The following PPP1R3C variants were observed in gnomAD, a reference collection of about 807,000 sequenced individuals.
PPP1R3C encodes the protein protein phosphatase 1 regulatory subunit 3C.
Under a neutral mutation model 29.3 loss-of-function variants are expected in PPP1R3C, and 20 were observed. That is an observed-to-expected ratio of 0.68 (90% CI 0.48 to 0.99). The LOEUF (loss-of-function observed/expected upper bound fraction) is 0.99, where lower values mean the gene tolerates loss of function less well. PPP1R3C is among the 50% of genes least tolerant of loss of function. The pLI is 0.00. For missense variants in PPP1R3C, 321 were observed against 386.0 expected (o/e 0.83, Z 1.41); for synonymous variants, 123 against 143.1 (o/e 0.86, Z 1.00).
chr10:91,632,003 G>A lies in PPP1R3C; in HGVS notation c.14+953C>T, dbSNP rs562495546. Among the ~76,000 whole-genome samples, 3 of 152,238 alleles carry A rather than the reference G, an allele frequency of 2.0e-5. No individual in the cohort carries two copies. In the South Asian group the frequency reaches 6.2e-4, roughly 32 times the overall value. On this transcript the variant is annotated intron_variant, in intron 1 of 1. Transcript: ENST00000238994. ...TATTAAACCAAGAAGCATCTATAAA[G>A]AAGACTTTTCTCTGACCTTTAGCCC...
Position 91,628,993 on chromosome 10 carries a change from A to G in PPP1R3C, c.*934T>C, listed in dbSNP as rs1311229838. On this transcript the variant is annotated 3_prime_UTR_variant, in exon 2 of 2. Coordinates refer to ENST00000238994, the MANE Select transcript of PPP1R3C (RefSeq NM_005398.7). Reference sequence around the variant, plus strand: ...TATTGCAGGAGGAATGCCTGTGTACAGAGTGGACCATCTTATGAGGCCAAA... The same window carrying G: ...TATTGCAGGAGGAATGCCTGTGTACGGAGTGGACCATCTTATGAGGCCAAA... 1 of 152,282 alleles carries G rather than the reference A, an allele frequency of 6.6e-6. No individual in the cohort carries two copies. Among genetic ancestry groups the G allele is most frequent in the African/African-American group, 2.4e-5 (1 of 41,462 alleles). The allele number at this position is 152,282 out of a possible 1,614,324, so 9.4% of individuals were successfully genotyped here.
In PPP1R3C at chr10:91,629,984, C is replaced by T. The variant is rs376921228; in HGVS notation, c.897G>A (p.Gly299=). ...TIFGSPRLAS[G]LFPEWQSWGR... ...CCCAGCTCTGCCACTCTGGGAAGAG[C>T]CCACTAGCCAGCCTCGGACTGCCAA... The change falls in exon 2 of 2, where the codon GGG becomes GGA. Residue 299 remains glycine (G), a synonymous_variant. Transcript: ENST00000238994. 6 of 1,614,096 alleles carry T rather than the reference C, an allele frequency of 3.7e-6. No individual in the cohort carries two copies. The highest frequency in any genetic ancestry group is 5.1e-6 in the Non-Finnish European group (6 of 1,180,044).
chr10:91,630,062 C>T lies in PPP1R3C; in HGVS notation c.819G>A (p.Gln273=). 3.1e-6 allele frequency: 5 copies of T among 1,614,214 alleles called. No individual in the cohort carries two copies. The highest frequency in any genetic ancestry group is 1.1e-5 in the South Asian group (1 of 91,086). The change falls in exon 2 of 2, where the codon CAG becomes CAA. Residue 273 remains glutamine, a synonymous_variant. Transcript: ENST00000238994. The surrounding 1 kb of genome is among the most constrained non-coding windows in gnomAD (Gnocchi z 4.4). The part of the protein sequence containing the change: ...PDGVQTQMAP[Q]DCAFHQTSPK... ...GAGACGTCTGGTGGAATGCACAGTC[C>T]TGGGGTGCCATCTGTGTCTGCACCC...
chr10:91,629,973 T>G lies in PPP1R3C; in HGVS notation c.908A>C (p.Glu303Ala). The G allele has an allele frequency of 6.2e-7, 1 of 1,614,200 alleles. No individual in the cohort carries two copies. The highest frequency in any genetic ancestry group is 8.5e-7 in the Non-Finnish European group (1 of 1,180,030). ...SPRLASGLFP[E>A]WQSWGRMENL... Reference sequence around the variant, plus strand: ...CTCCATTCTCCCCCAGCTCTGCCACTCTGGGAAGAGCCCACTAGCCAGCCT... The same window carrying G: ...CTCCATTCTCCCCCAGCTCTGCCACGCTGGGAAGAGCCCACTAGCCAGCCT... Residue 303 changes from glutamate to alanine, a missense_variant, in exon 2 of 2, where the codon GAG (glutamate) becomes GCG (alanine). Glu to Ala is a moderately radical substitution (Grantham distance 107). Transcript: ENST00000238994.
chr10:91,629,163 T>C lies in PPP1R3C; in HGVS notation c.*764A>G, dbSNP rs1157537885. On this transcript the variant is annotated 3_prime_UTR_variant, in exon 2 of 2. Transcript: ENST00000238994. ...TTAGCCATTAATGATGGCATGGTTT[T>C]TCTATACCAAGCATTCTATAACAAG... 6.6e-6 allele frequency: 1 copy of C among 152,248 alleles called. No individual in the cohort carries two copies. The highest frequency in any genetic ancestry group is 1.9e-4 in the East Asian group (1 of 5,194). The allele number at this position is 152,248 out of a possible 1,614,324, so 9.4% of individuals were successfully genotyped here.
chr10:91,633,037 A>G lies in PPP1R3C; in HGVS notation c.-68T>C, dbSNP rs1422814437. ...CTGCACAAATTCGAACCACAGCTCC[A>G]GGCCTTGCCCCCGCGGCGGTCGCTG... On this transcript the variant is annotated 5_prime_UTR_variant, in exon 1 of 2. Transcript: ENST00000238994. The G allele has an allele frequency of 3.8e-6, 6 of 1,584,252 alleles. No homozygotes were observed. The Admixed American group carries it at 5.4e-5, about 14-fold the overall frequency.
intron 1 of PPP1R3C, among the ~76,000 whole-genome samples, chr10:91,632,666 G>T (rs1848728909): frequency 6.6e-6 from 1 of 152,122 alleles, no homozygotes; most frequent in Non-Finnish European, 1.5e-5. Flanking sequence ...ATTTGTGCAG[G>T]ACCAAAAGAA....
At position 91,630,413 on chromosome 10, in the gene PPP1R3C, A is replaced by G. The variant is rs747456397; in HGVS notation, c.468T>C (p.Phe156=). The change falls in exon 2 of 2, where the codon TTT becomes TTC. Residue 156 remains phenylalanine (F), a synonymous_variant. Transcript: ENST00000238994. The surrounding 1 kb of genome is among the most constrained non-coding windows in gnomAD (Gnocchi z 4.4). ...LSFRSHFQKN[F]VCLENCSLQE... ...GCAACGAGCAGTTCTCCAGACAGAC[A>G]AAGTTCTTCTGAAAGTGGCTCCGGA... 6.2e-7 allele frequency: 1 copy of G among 1,614,238 alleles called. No individual in the cohort carries two copies. The highest frequency in any genetic ancestry group is 8.5e-7 in the Non-Finnish European group (1 of 1,180,038).
intron 1 of PPP1R3C, among the ~76,000 whole-genome samples, chr10:91,631,866 T>G (rs1589597880): frequency 6.6e-6 from 1 of 152,326 alleles, no homozygotes; most frequent in South Asian, 2.1e-4. Context: ...GGTGATAGGA[T>G]TATAGATTAT....
rs1848734714 is a variant in PPP1R3C at position 91,633,066 on chromosome 10, G to A, written c.-97C>T. 3 of 1,506,026 alleles carry A rather than the reference G, an allele frequency of 2.0e-6. No individual in the cohort carries two copies. Among genetic ancestry groups the A allele is most frequent in the East Asian group, 2.4e-5 (1 of 41,270 alleles). 93.3% of individuals were successfully genotyped at this position (1,506,026 alleles called of 1,614,324 possible). A position where few individuals can be genotyped will look rare whatever the true frequency, so the allele number is the denominator to read the frequency against. On this transcript the variant is annotated 5_prime_UTR_variant, in exon 1 of 2. Transcript: ENST00000238994. ...CTTGCCCCCGCGGCGGTCGCTGGGA[G>A]AGACTGAGGGCCCGGCGCCTAGAGG...
Position 91,629,761 on chromosome 10 carries a change from C to T in PPP1R3C, c.*166G>A. On this transcript the variant is annotated 3_prime_UTR_variant, in exon 2 of 2. Coordinates refer to ENST00000238994, the MANE Select transcript of PPP1R3C (RefSeq NM_005398.7). ...ATTGGGTAGCATCATCTGTACAGAC[C>T]CCAACACTAAATTCTCAAGTGTCTT... 1.3e-6 allele frequency: 1 copy of T among 762,112 alleles called. No individual in the cohort carries two copies. The highest frequency in any genetic ancestry group is 2.2e-6 in the Non-Finnish European group (1 of 456,130). The allele number at this position is 762,112 out of a possible 1,614,324, so 47.2% of individuals were successfully genotyped here. A position where few individuals can be genotyped will look rare whatever the true frequency, so the allele number is the denominator to read the frequency against.
Position 91,628,769 on chromosome 10 carries a change from A to T in PPP1R3C, c.*1158T>A, listed in dbSNP as rs926510793. 6.6e-6 allele frequency: 1 copy of T among 152,516 alleles called. No homozygotes were observed. The highest frequency in any genetic ancestry group is 1.5e-5 in the Non-Finnish European group (1 of 68,044). The allele number at this position is 152,516 out of a possible 1,614,324, so 9.4% of individuals were successfully genotyped here. A position where few individuals can be genotyped will look rare whatever the true frequency, so the allele number is the denominator to read the frequency against. On this transcript the variant is annotated 3_prime_UTR_variant, in exon 2 of 2. Transcript: ENST00000238994. ...ACAAGTCACATCCATTTTTTTAAAA[A>T]AAAGAAAACAGCAAGATGAAAATAG...
Position 91,628,534 on chromosome 10 carries a change from G to A in PPP1R3C, c.*1393C>T, listed in dbSNP as rs1848679155. ...TTACAGTAGAAAAGTATGGATGCTA[G>A]CCAAACTTCAAATTCTGTCACTGCA... On this transcript the variant is annotated 3_prime_UTR_variant, in exon 2 of 2. Transcript: ENST00000238994. 6.6e-6 allele frequency: 1 copy of A among 152,166 alleles called. No homozygotes were observed. The highest frequency in any genetic ancestry group is 2.4e-5 in the African/African-American group (1 of 41,430). 9.4% of individuals were successfully genotyped at this position (152,166 alleles called of 1,614,324 possible).
chr10:91,631,527 G>GA (rs11364985), intron 1 of PPP1R3C, among the ~76,000 whole-genome samples: 71 of 147,552 alleles, frequency 4.8e-4, no homozygotes, highest in East Asian at 8.0e-4. Flanking sequence ...TAATTCACTT[G>GA]AAAAAAAAAA....
Position 91,630,276 on chromosome 10 carries a change from A to G in PPP1R3C, c.605T>C (p.Val202Ala), listed in dbSNP as rs764482329. The change falls in exon 2 of 2, where the codon GTC (valine) becomes GCC (alanine). Residue 202 changes from valine to alanine, a missense_variant. By Grantham distance (64) the Val-to-Ala change is moderately conservative. Transcript: ENST00000238994. This position sits in a 1 kb window ranked among gnomAD's most constrained non-coding sequence, Gnocchi z 4.4. ...GCCACCATACACATTTTTCATATAGACACAGTCTACGTCAGTGTAGTTTTT... is the reference window on the plus strand; with the variant it reads ...GCCACCATACACATTTTTCATATAGGCACAGTCTACGTCAGTGTAGTTTTT... ...SWKNYTDVDC[V>A]YMKNVYGGTD... The G allele has an allele frequency of 4.3e-6, 7 of 1,614,196 alleles. No individual in the cohort carries two copies. Among genetic ancestry groups the G allele is most frequent in the Non-Finnish European group, 5.1e-6 (6 of 1,180,004 alleles).
At position 91,633,021 on chromosome 10, in the gene PPP1R3C, T is replaced by C; in HGVS notation, c.-52A>G. On this transcript the variant is annotated 5_prime_UTR_variant, in exon 1 of 2. Transcript: ENST00000238994. The stretch of plus-strand genomic sequence containing the variant: ...AGCCAGCACCCGCTGCCTGCACAAA[T>C]TCGAACCACAGCTCCAGGCCTTGCC... 6.2e-7 allele frequency: 1 copy of C among 1,600,846 alleles called. No homozygotes were observed. Among genetic ancestry groups the C allele is most frequent in the Middle Eastern group, 1.7e-4 (1 of 6,040 alleles).
Position 91,628,949 on chromosome 10 carries a change from G to T in PPP1R3C, c.*978C>A, listed in dbSNP as rs562364613. 1.3e-5 allele frequency: 2 copies of T among 152,236 alleles called. No homozygotes were observed. Among genetic ancestry groups the T allele is most frequent in the African/African-American group, 2.4e-5 (1 of 41,404 alleles). 9.4% of individuals were successfully genotyped at this position (152,236 alleles called of 1,614,324 possible). On this transcript the variant is annotated 3_prime_UTR_variant, in exon 2 of 2. Coordinates refer to ENST00000238994, the MANE Select transcript of PPP1R3C (RefSeq NM_005398.7). Reference sequence around the variant, plus strand: ...GATGTGAGTTGTGTACACTGACAACGGTCTCAAAGATACAACATTATTGCA... The same window carrying T: ...GATGTGAGTTGTGTACACTGACAACTGTCTCAAAGATACAACATTATTGCA...
In PPP1R3C at chr10:91,630,350, A is replaced by G; in HGVS notation, c.531T>C (p.Asn177=). The G allele has an allele frequency of 6.2e-7, 1 of 1,614,206 alleles. No individual in the cohort carries two copies. The highest frequency in any genetic ancestry group is 8.5e-7 in the Non-Finnish European group (1 of 1,180,040). ...RTVTGTVKVK[N]VSFEKKVQIR... ...TCTGAACTTTCTTCTCAAAACTCACATTTTTGACTTTAACAGTCCCTGTCA... is the reference window on the plus strand; with the variant it reads ...TCTGAACTTTCTTCTCAAAACTCACGTTTTTGACTTTAACAGTCCCTGTCA... Residue 177 remains asparagine (N), a synonymous_variant, in exon 2 of 2, where the codon AAT becomes AAC. Transcript: ENST00000238994. This position sits in a 1 kb window ranked among gnomAD's most constrained non-coding sequence, Gnocchi z 4.4.
rs1294487226 is a variant in PPP1R3C, at chr10:91,630,385, C to T, written c.496G>A (p.Glu166Lys). The T allele has an allele frequency of 7.4e-6, 12 of 1,614,072 alleles. No individual in the cohort carries two copies. The Admixed American group carries it at 2.0e-4, about 27-fold the overall frequency. Residue 166 changes from glutamate (E) to lysine (K), a missense_variant, in exon 2 of 2, where the codon GAG (glutamate) becomes AAG (lysine). By Grantham distance (56) the Glu-to-Lys change is moderately conservative (BLOSUM62 1). Transcript: ENST00000238994. This position sits in a 1 kb window ranked among gnomAD's most constrained non-coding sequence, Gnocchi z 4.4. ...FVCLENCSLQ[E>K]RTVTGTVKVK... ...TTAACAGTCCCTGTCACTGTTCGCT[C>T]TTGCAACGAGCAGTTCTCCAGACAG...
Sources: allele counts gnomAD v4.1 joint callset (sites outside exome capture counted in the v4.1 genomes callset), GRCh38; gene constraint gnomAD v4.1.1; non-coding constraint Gnocchi (gnomAD v3.1); transcripts MANE v1.5; gene names NCBI Gene and HGNC (gene_info 2026-07-23, HGNC 2026-07-21).